GOLGA4: variants seen among roughly 807,000 people sequenced by gnomAD.
GOLGA4 encodes golgin A4.
Under a neutral mutation model 265.9 loss-of-function variants are expected in GOLGA4, and 169 were observed. The observed-to-expected ratio is 0.64, with a 90% CI of 0.56 to 0.72. GOLGA4 has a LOEUF of 0.72. Ranked by LOEUF, GOLGA4 falls within the 30% of genes least tolerant of loss-of-function variation. The probability of loss-of-function intolerance (pLI) is 0.00; values close to 1 mark genes in which losing one functional copy is unlikely to be tolerated. For synonymous variants in GOLGA4, 923 were observed against 855.8 expected (o/e 1.08, Z -1.37); for missense variants, 2,482 against 2,483.4 (o/e 1.00, Z 0.01).
At chr3:37,286,856 A>C (rs1378439779) in intron 4 of GOLGA4, among the ~76,000 whole-genome samples, 1 of 152,160 alleles carries the variant, frequency 6.6e-6, no homozygotes, top group Non-Finnish European at 1.5e-5. Flanking sequence ...GCTTTTGATT[A>C]AGTATGTAGG....
chr3:37,251,440 T>A lies in GOLGA4; in HGVS notation c.118T>A (p.Ser40Thr), dbSNP rs564082705. ...ACCAACAAGAATGAGGAGCAGGACA[T>A]CTTCATTTACAGAGCAACTTGATGA... is the stretch of plus-strand genomic sequence containing the variant. The part of the protein sequence containing the change: ...STPTRMRSRT[S>T]SFTEQLDEGT... The change falls in exon 2 of 24, where the codon TCT (serine) becomes ACT (threonine). Residue 40 changes from serine to threonine, a missense_variant. Ser to Thr is a moderately conservative substitution (Grantham distance 58). This residue lies in a region of GOLGA4 where 1,536 missense variants were observed against 1,483.7 expected (regional missense o/e 1.04). Transcript: ENST00000361924. 1.9e-6 allele frequency: 3 copies of A among 1,613,316 alleles called. No homozygotes were observed. In the African/African-American group the frequency reaches 4.0e-5, roughly 22 times the overall value.
At chr3:37,296,293 C>G (rs1388726296) in intron 7 of GOLGA4, 74 bp downstream of exon 7, 1 of 1,467,750 alleles carries the variant, frequency 6.8e-7, no homozygotes, top group Admixed American at 1.9e-5. Context: ...CACCTTTAAT[C>G]CCAACACTTT....
rs1388125923 is a variant in GOLGA4 at position 37,325,500 on chromosome 3, A to G, written c.3614A>G (p.Glu1205Gly). 2 of 1,613,776 alleles carry G rather than the reference A, an allele frequency of 1.2e-6. No homozygotes were observed. Among genetic ancestry groups the G allele is most frequent in the Admixed American group, 1.7e-5 (1 of 59,976 alleles). Residue 1205 changes from glutamate to glycine, a missense_variant, in exon 14 of 24, where the codon GAA (glutamate) becomes GGA (glycine). This residue lies in a region of GOLGA4 where 1,536 missense variants were observed against 1,483.7 expected (regional missense o/e 1.04). Coordinates refer to ENST00000361924, the MANE Select transcript of GOLGA4 (RefSeq NM_002078.5). The part of the protein sequence containing the change: ...SNKSLEDKSL[E>G]FKKLSEELAI... ...AAAAGCCTAGAGGACAAGAGCTTGG[A>G]ATTTAAAAAACTGTCTGAGGAACTA...
At chr3:37,246,124 G>A (rs2096718891) in intron 1 of GOLGA4, among the ~76,000 whole-genome samples, 1 of 151,832 alleles carries the variant, frequency 6.6e-6, no homozygotes, top group Admixed American at 6.6e-5. Context: ...GCCAAGGCGG[G>A]CGGATCACCT....
chr3:37,337,288 C>T (rs2097017413), intron 18 of GOLGA4, 125 bp downstream of exon 18: 2 of 636,326 alleles, frequency 3.1e-6, no homozygotes, highest in Admixed American at 2.8e-5. Context: ...CAACCTCTGC[C>T]TCCTGAGTTC....
chr3:37,249,130 C>T (rs1443723125), intron 1 of GOLGA4, among the ~76,000 whole-genome samples: 1 of 152,196 alleles, frequency 6.6e-6, no homozygotes, highest in Non-Finnish European at 1.5e-5. Flanking sequence ...TTGAAGCTGG[C>T]ACTGGCATGG....
intron 23 of GOLGA4, among the ~76,000 whole-genome samples, chr3:37,362,383 C>T (rs1312233002): frequency 4.7e-5 from 7 of 150,058 alleles, no homozygotes; most frequent in African/African-American, 1.5e-4. Flanking sequence ...ACTACAGGCG[C>T]CCGCCACTAC....
intron 11 of GOLGA4, among the ~76,000 whole-genome samples, chr3:37,316,209 T>C (rs552446773): frequency 6.6e-6 from 1 of 151,958 alleles, no homozygotes; most frequent in East Asian, 1.9e-4. Context: ...CTTTTTTTTT[T>C]TTTTGCTTGT....
At chr3:37,350,527 CTT>C (rs200515262) in intron 21 of GOLGA4, among the ~76,000 whole-genome samples, 1,983 of 152,022 alleles carry the variant, frequency 0.013, 27 homozygotes, top group Non-Finnish European at 0.02. Flanking sequence ...TTTTTTGGTA[CTT>C]ATAAAAAAAC....
intron 10 of GOLGA4, among the ~76,000 whole-genome samples, chr3:37,305,255 A>G (rs901377992): frequency 1.3e-5 from 2 of 152,164 alleles, no homozygotes; most frequent in Non-Finnish European, 2.9e-5. Context: ...TATTTTGGAA[A>G]GTCTTTAGAT....
chr3:37,289,100 C>T (rs192416687), intron 4 of GOLGA4, 135 bp from the exon 5 acceptor site: 28 of 566,984 alleles, frequency 4.9e-5, no homozygotes, highest in Middle Eastern at 4.7e-4. Context: ...ACATTTTAGG[C>T]TTGTCCTCTA....
intron 10 of GOLGA4, among the ~76,000 whole-genome samples, chr3:37,313,157 C>T (rs183207022): frequency 2.0e-5 from 3 of 151,958 alleles, no homozygotes; most frequent in East Asian, 1.9e-4. Context: ...GAGGGGAGAT[C>T]GCGCCACTGC....
intron 12 of GOLGA4, 81 bp from the exon 13 acceptor site, chr3:37,321,650 A>T (rs940114881): frequency 5.5e-6 from 7 of 1,271,780 alleles, no homozygotes; most frequent in Admixed American, 2.2e-5. Flanking sequence ...ATCAAAAGAA[A>T]TGAATGATTC....
chr3:37,281,899 T>C, intron 2 of GOLGA4, 59 bp from the exon 3 acceptor site: 2 of 1,115,494 alleles, frequency 1.8e-6, no homozygotes, highest in East Asian at 4.7e-5. Context: ...GGTGATGGGG[T>C]AATGGAAGTC....
chr3:37,332,297 C>A (rs76977412), intron 16 of GOLGA4, among the ~76,000 whole-genome samples: 1,691 of 152,276 alleles, frequency 0.011, 37 homozygotes, highest in African/African-American at 0.037. Flanking sequence ...TAAGTTAATG[C>A]AAGCGTTACC....
At chr3:37,251,625 C>CTTTTTT in intron 2 of GOLGA4, 141 bp downstream of exon 2, 1 of 476,488 alleles carries the variant, frequency 2.1e-6, no homozygotes, top group South Asian at 2.6e-5. Context: ...CACAATTGGT[C>CTTTTTT]TTTTTTTTTT....
At chr3:37,270,133 A>G (rs922769426) in intron 2 of GOLGA4, among the ~76,000 whole-genome samples, 12 of 146,606 alleles carry the variant, frequency 8.2e-5, no homozygotes, top group Non-Finnish European at 1.5e-4. Context: ...ACCTCAGGTG[A>G]TCTGCCTGCC....
At position 37,251,622 on chromosome 3, in the gene GOLGA4, G is replaced by A. The variant is rs9855875; in HGVS notation, c.162+138G>A. ...TAGAGTTTTTATTAGTAACACAATT[G>A]GTCTTTTTTTTTTTTTTTTCACAAA... On this transcript the variant is annotated intron_variant, in intron 2 of 23. Coordinates refer to ENST00000361924, the MANE Select transcript of GOLGA4 (RefSeq NM_002078.5). The A allele has an allele frequency of 5.7e-3, 2,903 of 509,570 alleles. 63 individuals are homozygous for A. In the African/African-American group the frequency reaches 0.061, roughly 11 times the overall value. The allele number at this position is 509,570 out of a possible 1,614,324, so 31.6% of individuals were successfully genotyped here.
intron 2 of GOLGA4, among the ~76,000 whole-genome samples, chr3:37,260,127 A>G (rs1246739980): frequency 2.0e-5 from 3 of 151,598 alleles, no homozygotes; most frequent in Non-Finnish European, 4.4e-5. Context: ...CACACATCAA[A>G]TACGCTAACA....
Sources: allele counts gnomAD v4.1 joint callset (sites outside exome capture counted in the v4.1 genomes callset), GRCh38; gene constraint gnomAD v4.1.1; regional missense constraint gnomAD v4.1.1; transcripts MANE v1.5; gene names NCBI Gene and HGNC (gene_info 2026-07-23, HGNC 2026-07-21).